GRAP2: variants seen among roughly 807,000 people sequenced by gnomAD.
GRAP2 encodes GRB2-related adapter protein 2.
Under a neutral mutation model 43.5 loss-of-function variants are expected in GRAP2, and 31 were observed. That is an observed-to-expected ratio of 0.71 (90% confidence interval 0.54 to 0.96). The LOEUF (loss-of-function observed/expected upper bound fraction) is 0.96, where lower values mean the gene tolerates loss of function less well. GRAP2 is among the 40% of genes least tolerant of loss of function. The pLI, the probability that GRAP2 is intolerant of heterozygous loss-of-function variation, is 0.00. For missense variants in GRAP2, 371 were observed against 424.4 expected, an observed-to-expected ratio of 0.87 and a Z score of 1.11; for synonymous variants, 156 against 164.8, an observed-to-expected ratio of 0.95 and a Z score of 0.41.
At chr22:39,965,903 G>T (rs1009625468) in intron 4 of GRAP2, 87 bp from the exon 5 acceptor site, 1 of 1,097,362 alleles carries the variant, frequency 9.1e-7, no homozygotes, top group Non-Finnish European at 1.4e-6. Context: ...TGCTCAAAGA[G>T]AACTCCACCA....
intron 1 of GRAP2, among the ~76,000 whole-genome samples, chr22:39,911,903 C>T (rs1764066613): frequency 6.6e-6 from 1 of 152,170 alleles, no homozygotes; most frequent in Admixed American, 6.5e-5. Context: ...TGAAAAAATT[C>T]CCCTGGTGAT....
chr22:39,936,171 G>A (rs972772664), intron 1 of GRAP2, among the ~76,000 whole-genome samples: 3 of 152,064 alleles, frequency 2.0e-5, no homozygotes, highest in Admixed American at 6.6e-5. Context: ...TGTCTCTCTC[G>A]ACTGTCATTC....
intron 1 of GRAP2, among the ~76,000 whole-genome samples, chr22:39,944,244 T>C (rs1342228796): frequency 6.6e-6 from 1 of 152,214 alleles, no homozygotes; most frequent in Non-Finnish European, 1.5e-5. Context: ...TCCCTGGTGG[T>C]AATTTTTAAA....
intron 1 of GRAP2, among the ~76,000 whole-genome samples, chr22:39,925,724 T>TA (rs2145595759): frequency 6.6e-6 from 1 of 152,338 alleles, no homozygotes; most frequent in African/African-American, 2.4e-5. Flanking sequence ...GTTTGTGTTT[T>TA]CTTGCCCTAA....
intron 1 of GRAP2, among the ~76,000 whole-genome samples, chr22:39,939,062 C>T (rs1361250764): frequency 6.6e-6 from 1 of 152,186 alleles, no homozygotes; most frequent in Non-Finnish European, 1.5e-5. Flanking sequence ...ATGTGCAAAA[C>T]CACCTAAAAT....
At chr22:39,938,345 C>T (rs2145619289) in intron 1 of GRAP2, among the ~76,000 whole-genome samples, 1 of 152,358 alleles carries the variant, frequency 6.6e-6, no homozygotes. Flanking sequence ...TTTAAAAGGA[C>T]TCTCCAGTTG....
chr22:39,948,703 T>C (rs1273045744), intron 2 of GRAP2, among the ~76,000 whole-genome samples: 1 of 152,082 alleles, frequency 6.6e-6, no homozygotes, highest in East Asian at 1.9e-4. Flanking sequence ...AACATTCTCT[T>C]GAAGTTCACC....
chr22:39,948,508 G>T (rs1178109364), intron 2 of GRAP2: 1 of 142,254 alleles, frequency 7.0e-6, no homozygotes, highest in Non-Finnish European at 1.5e-5. Context: ...CTATTCCTCA[G>T]AAAAGGAAAA....
Position 39,941,816 on chromosome 22 carries a change from C to T in GRAP2, c.-14-5277C>T, listed in dbSNP as rs889901220. On this transcript the variant is annotated intron_variant, in intron 1 of 7. Transcript: ENST00000344138. ...CTGCACAGAAAAGGTCTGACAATTC[C>T]ACATCTGTACTCCAAGGTGAAATGT... Among the ~76,000 whole-genome samples, 4 of 152,078 alleles carry T rather than the reference C, an allele frequency of 2.6e-5. 1 individual carries two copies. Among genetic ancestry groups the T allele is most frequent in the African/African-American group, 9.6e-5 (4 of 41,492 alleles).
intron 1 of GRAP2, among the ~76,000 whole-genome samples, chr22:39,914,181 A>G (rs1376469310): frequency 6.6e-6 from 1 of 152,180 alleles, no homozygotes; most frequent in Admixed American, 6.5e-5. Flanking sequence ...GCCATGGAAC[A>G]CAAAGGAGGA....
intron 1 of GRAP2, among the ~76,000 whole-genome samples, chr22:39,912,202 C>T (rs1288221046): frequency 6.6e-6 from 1 of 152,158 alleles, no homozygotes; most frequent in African/African-American, 2.4e-5. Context: ...GGGAGGATTG[C>T]TTGAGCTCAG....
intron 3 of GRAP2, among the ~76,000 whole-genome samples, chr22:39,956,817 T>C (rs1431012927): frequency 6.6e-6 from 1 of 152,194 alleles, no homozygotes; most frequent in Non-Finnish European, 1.5e-5. Context: ...TTATCTATAG[T>C]GATTTCAATC....
At chr22:39,959,729 G>A (rs532162085) in intron 3 of GRAP2, among the ~76,000 whole-genome samples, 131 of 152,198 alleles carry the variant, frequency 8.6e-4, no homozygotes, top group Non-Finnish European at 1.5e-3. Context: ...CGCAGCTGCC[G>A]GCAGGCGGCT....
Position 39,901,198 on chromosome 22 carries a change from C to A in GRAP2, c.-147C>A. 1 of 794,782 alleles carries A rather than the reference C, an allele frequency of 1.3e-6. No individual in the cohort carries two copies. Among genetic ancestry groups the A allele is most frequent in the Non-Finnish European group, 1.9e-6 (1 of 537,396 alleles). The allele number at this position is 794,782 out of a possible 1,614,324, so 49.2% of individuals were successfully genotyped here. A position where few individuals can be genotyped will look rare whatever the true frequency, so the allele number is the denominator to read the frequency against. The stretch of plus-strand genomic sequence containing the variant: ...CTCTTTCAGAGTGGTACATGGAAGA[C>A]AGCACAAAGTGGATCCATACTCTGA... On this transcript the variant is annotated 5_prime_UTR_variant, in exon 1 of 8. Coordinates refer to ENST00000344138, the MANE Select transcript of GRAP2 (RefSeq NM_004810.4).
chr22:39,963,723 A>G (rs997325193), intron 4 of GRAP2, among the ~76,000 whole-genome samples: 8 of 152,172 alleles, frequency 5.3e-5, no homozygotes, highest in Non-Finnish European at 1.5e-5. Context: ...ATCCATCCCT[A>G]AGAAACCTCC....
At chr22:39,963,208 A>G (rs2067137214) in intron 4 of GRAP2, among the ~76,000 whole-genome samples, 1 of 152,212 alleles carries the variant, frequency 6.6e-6, no homozygotes, top group Non-Finnish European at 1.5e-5. Context: ...TTGTAGTTCT[A>G]TCACTCAGCA....
chr22:39,919,160 T>C (rs755494825), intron 1 of GRAP2, among the ~76,000 whole-genome samples: 3 of 152,060 alleles, frequency 2.0e-5, no homozygotes, highest in Admixed American at 1.3e-4. Context: ...TAAAAATAAA[T>C]AGAAGATATT....
chr22:39,909,949 A>T (rs1439854347), intron 1 of GRAP2, among the ~76,000 whole-genome samples: 1 of 152,216 alleles, frequency 6.6e-6, no homozygotes, highest in Non-Finnish European at 1.5e-5. Context: ...TGAAGTTTCC[A>T]TGGGGAATCC....
chr22:39,962,454 A>G (rs893352359), intron 4 of GRAP2, among the ~76,000 whole-genome samples: 3 of 152,050 alleles, frequency 2.0e-5, no homozygotes, highest in Non-Finnish European at 2.9e-5. Flanking sequence ...CATATATTAT[A>G]TACATATATT....
Sources: allele counts gnomAD v4.1 joint callset (sites outside exome capture counted in the v4.1 genomes callset), GRCh38; gene constraint gnomAD v4.1.1; transcripts MANE v1.5; gene names NCBI Gene and HGNC (gene_info 2026-07-23, HGNC 2026-07-21).